ZNF462: variants seen among roughly 807,000 people sequenced by gnomAD.
The protein encoded by ZNF462 is zinc finger protein 462.
ZNF462 carries 10 observed loss-of-function variants against 201.9 expected under a neutral mutation model. The ratio of observed to expected loss-of-function variants is 0.05; its 90% CI spans 0.03 to 0.08. ZNF462 has a LOEUF of 0.08. Ranked by LOEUF, ZNF462 falls within the 10% of genes least tolerant of loss-of-function variation. The pLI is 1.00. For synonymous variants in ZNF462, 1,227 were observed against 1,193.3 expected (o/e 1.03, Z -0.58); for missense variants, 2,523 against 3,168.3 (o/e 0.80, Z 4.89).
rs1320737042 is a variant in ZNF462, at chr9:106,935,113, G to A, written c.6117-390G>A. On this transcript the variant is annotated intron_variant, in intron 5 of 12. Transcript: ENST00000277225. The surrounding 1 kb of genome is among the most constrained non-coding windows in gnomAD (Gnocchi z 4.1). ...TTCTCTAATTCCCATTCTGTTATTT[G>A]AATAAGTTAGAGGACTAATTGATAG... Among the ~76,000 whole-genome samples, 1 of 152,200 alleles carries A rather than the reference G, an allele frequency of 6.6e-6. No homozygotes were observed. The highest frequency in any genetic ancestry group is 2.4e-5 in the African/African-American group (1 of 41,464).
rs747455601 is a variant in ZNF462 at position 106,927,311 on chromosome 9, C to T, written c.3399C>T (p.Tyr1133=). ...CAGTTGTGGGAGTGCTTGTCCACTACCAGAAAAGACACCCAGAAATAAAGG... is the reference window on the plus strand; with the variant it reads ...CAGTTGTGGGAGTGCTTGTCCACTATCAGAAAAGACACCCAGAAATAAAGG... The part of the protein sequence containing the change: ...NRSVVGVLVH[Y]QKRHPEIKVT... The change falls in exon 3 of 13, where the codon TAC becomes TAT. Residue 1133 remains tyrosine, a synonymous_variant. Coordinates refer to ENST00000277225, the MANE Select transcript of ZNF462 (RefSeq NM_021224.6). 43 of 1,612,772 alleles carry T rather than the reference C, an allele frequency of 2.7e-5. No individual in the cohort carries two copies. The highest frequency in any genetic ancestry group is 1.6e-4 in the Middle Eastern group (1 of 6,080).
chr9:106,917,529 T>C lies in ZNF462; in HGVS notation c.-30-5825T>C, dbSNP rs935497525. Among the ~76,000 whole-genome samples the C allele has an allele frequency of 4.6e-5, 7 of 152,304 alleles. No individual in the cohort carries two copies. The East Asian group carries it at 9.6e-4, about 21-fold the overall frequency. On this transcript the variant is annotated intron_variant, in intron 1 of 12. Coordinates refer to ENST00000277225, the MANE Select transcript of ZNF462 (RefSeq NM_021224.6). This position sits in a 1 kb window ranked among gnomAD's most constrained non-coding sequence, Gnocchi z 4.5. ...GCTACTATTTAACTTCAGTCTCATA[T>C]TGGGGGTTACATATGTGATTGCAAA...
In ZNF462 at chr9:106,923,554, G is replaced by A. The variant is rs1295297253; in HGVS notation, c.171G>A (p.Val57=). The part of the protein sequence containing the change: ...GSVNASNQTE[V]EFSSIKDEFA... Reference sequence around the variant, plus strand: ...TGAATGCCAGTAATCAGACAGAGGTGGAGTTTTCTTCTATAAAGGATGAAT... The same window carrying A: ...TGAATGCCAGTAATCAGACAGAGGTAGAGTTTTCTTCTATAAAGGATGAAT... Residue 57 remains valine, a synonymous_variant, in exon 2 of 13, where the codon GTG becomes GTA. Coordinates refer to ENST00000277225, the MANE Select transcript of ZNF462 (RefSeq NM_021224.6). This position sits in a 1 kb window ranked among gnomAD's most constrained non-coding sequence, Gnocchi z 5.6. 6.2e-7 allele frequency: 1 copy of A among 1,614,170 alleles called. No individual in the cohort carries two copies. Among genetic ancestry groups the A allele is most frequent in the African/African-American group, 1.3e-5 (1 of 75,048 alleles).
chr9:106,991,147 T>G (rs1297124253), intron 10 of ZNF462, among the ~76,000 whole-genome samples: 1 of 151,882 alleles, frequency 6.6e-6, no homozygotes, highest in African/African-American at 2.4e-5. Context: ...TTGATTTTTA[T>G]AGGGAGAAAA....
rs1293527032 is a variant in ZNF462, at chr9:106,977,878, C to G, written c.6832+3605C>G. ...AAAACAATAGAAATGTATTCTCTCA[C>G]AGTTCTGGAAGCTAGAACTCTGAAA... On this transcript the variant is annotated intron_variant, in intron 9 of 12. Transcript: ENST00000277225. This position sits in a 1 kb window ranked among gnomAD's most constrained non-coding sequence, Gnocchi z 4.6. Among the ~76,000 whole-genome samples the G allele has an allele frequency of 6.6e-6, 1 of 151,304 alleles. No individual in the cohort carries two copies. The highest frequency in any genetic ancestry group is 1.5e-5 in the Non-Finnish European group (1 of 67,984).
intron 10 of ZNF462, among the ~76,000 whole-genome samples, chr9:106,986,051 G>A (rs770506957): frequency 1.2e-4 from 18 of 152,112 alleles, no homozygotes; most frequent in South Asian, 2.1e-4. Context: ...TCTTATTTAC[G>A]TAACTACCTC....
intron 1 of ZNF462, among the ~76,000 whole-genome samples, chr9:106,867,298 T>C: frequency 6.6e-6 from 1 of 152,328 alleles, no homozygotes; most frequent in Admixed American, 6.5e-5. Flanking sequence ...GACATTTTCA[T>C]TTAATGTCAA....
Position 106,929,711 on chromosome 9 carries a change from CA to C in ZNF462, c.5801del (p.Lys1934SerfsTer21). 1 of 1,614,008 alleles carries C rather than the reference CA, an allele frequency of 6.2e-7. No homozygotes were observed. The highest frequency in any genetic ancestry group is 8.5e-7 in the Non-Finnish European group (1 of 1,179,988). ...RQERRKQLLSKQKYADGAFAD... is the reference protein window; with the variant it reads ...RQERRKQLLSXQKYADGAFAD... ...AGGAGAGGAGGAAACAGCTTTTGAG[CA>C]AGCAGAAATATGCAGATGGTGCTTT... On this transcript the variant is annotated frameshift_variant, in exon 3 of 13. Coordinates refer to ENST00000277225, the MANE Select transcript of ZNF462 (RefSeq NM_021224.6). LOFTEE classifies it high-confidence loss of function. The surrounding 1 kb of genome is among the most constrained non-coding windows in gnomAD (Gnocchi z 8.7).
intron 1 of ZNF462, among the ~76,000 whole-genome samples, chr9:106,866,227 T>C (rs944398276): frequency 1.3e-5 from 2 of 152,242 alleles, no homozygotes; most frequent in African/African-American, 4.8e-5. Flanking sequence ...CTTGCTTTGC[T>C]TTCTCATTAT....
At chr9:106,921,639 G>C (rs1264119023) in intron 1 of ZNF462, among the ~76,000 whole-genome samples, 1 of 152,210 alleles carries the variant, frequency 6.6e-6, no homozygotes, top group African/African-American at 2.4e-5. Flanking sequence ...ACTAAGCTTG[G>C]GGGATGGGGA....
intron 7 of ZNF462, among the ~76,000 whole-genome samples, chr9:106,945,011 C>G (rs147629241): frequency 6.6e-6 from 1 of 152,166 alleles, no homozygotes; most frequent in Admixed American, 6.5e-5. Context: ...AAGGAAAGGC[C>G]CATGAATGAT....
intron 10 of ZNF462, among the ~76,000 whole-genome samples, chr9:107,000,049 G>A (rs1479768703): frequency 6.6e-6 from 1 of 152,046 alleles, no homozygotes; most frequent in Non-Finnish European, 1.5e-5. Flanking sequence ...GAGGAGTTTA[G>A]GGAAGGTCTC....
In ZNF462 at chr9:106,966,214, T is replaced by G. The variant is rs1259036202; in HGVS notation, c.6428-5791T>G. The stretch of plus-strand genomic sequence containing the variant: ...TATTTTAGAACTTGGCGATTTTAAA[T>G]TGTCCCTTACACAACCTACCCCACC... On this transcript the variant is annotated intron_variant, in intron 7 of 12. Coordinates refer to ENST00000277225, the MANE Select transcript of ZNF462 (RefSeq NM_021224.6). This position sits in a 1 kb window ranked among gnomAD's most constrained non-coding sequence, Gnocchi z 4.4. Among the ~76,000 whole-genome samples, 4 of 152,136 alleles carry G rather than the reference T, an allele frequency of 2.6e-5. No individual in the cohort carries two copies. Among genetic ancestry groups the G allele is most frequent in the Non-Finnish European group, 4.4e-5 (3 of 68,006 alleles).
chr9:106,864,109 T>TCTCTCTCC (rs1564062922), intron 1 of ZNF462, among the ~76,000 whole-genome samples: 3 of 115,382 alleles, frequency 2.6e-5, no homozygotes, highest in Admixed American at 9.3e-5. Context: ...TCTCTCTCTC[T>TCTCTCTCC]CCCTCTCCCC....
chr9:106,989,233 A>ATACAAAG (rs1828082978), intron 10 of ZNF462, among the ~76,000 whole-genome samples: 1 of 151,850 alleles, frequency 6.6e-6, no homozygotes, highest in Admixed American at 6.6e-5. Context: ...TTTTGCTGGG[A>ATACAAAG]GTTTTAATCT....
chr9:106,892,620 G>A lies in ZNF462; in HGVS notation c.-31+29265G>A, dbSNP rs529334794. Among the ~76,000 whole-genome samples the A allele has an allele frequency of 3.9e-5, 6 of 152,066 alleles. No individual in the cohort carries two copies. The South Asian group carries it at 8.3e-4, about 21-fold the overall frequency. The stretch of plus-strand genomic sequence containing the variant: ...TCAAGTCAGTTTCTGGTTTTATATA[G>A]TTTAACAGAAGAATAATTTGCTTAG... On this transcript the variant is annotated intron_variant, in intron 1 of 12. Coordinates refer to ENST00000277225, the MANE Select transcript of ZNF462 (RefSeq NM_021224.6).
At chr9:106,879,335 C>A (rs149710757) in intron 1 of ZNF462, among the ~76,000 whole-genome samples, 14 of 101,506 alleles carry the variant, frequency 1.4e-4, no homozygotes, top group South Asian at 1.4e-3. Flanking sequence ...GCTTTCCACC[C>A]CCCCCCCCAC....
chr9:106,927,527 C>A lies in ZNF462; in HGVS notation c.3615C>A (p.Val1205=), dbSNP rs1233319149. The A allele has an allele frequency of 2.0e-5, 32 of 1,613,774 alleles. No individual in the cohort carries two copies. The highest frequency in any genetic ancestry group is 2.6e-5 in the Non-Finnish European group (31 of 1,179,992). Residue 1205 remains valine, a synonymous_variant, in exon 3 of 13, where the codon GTC becomes GTA. Coordinates refer to ENST00000277225, the MANE Select transcript of ZNF462 (RefSeq NM_021224.6). ...ACTGTGATTATGGGAACCGGACGGT[C>A]AAAGGGGTACTCATTCATTATCAGA... The part of the protein sequence containing the change: ...CQHCDYGNRT[V]KGVLIHYQKK...
chr9:106,953,176 C>T (rs1037785863), intron 7 of ZNF462, among the ~76,000 whole-genome samples: 4 of 152,182 alleles, frequency 2.6e-5, no homozygotes, highest in Admixed American at 6.5e-5. Context: ...CTTTGCTTTT[C>T]GTAAACTGCT....
Sources: gnomAD v4.1 joint callset for allele counts (sites outside exome capture counted in the v4.1 genomes callset) on GRCh38, gnomAD v4.1.1 for gene constraint, Gnocchi (gnomAD v3.1) non-coding constraint, MANE v1.5 for transcripts, NCBI Gene and HGNC (gene_info 2026-07-23, HGNC 2026-07-21) for gene names.